LYRM4: variants seen among roughly 807,000 people sequenced by gnomAD.
LYRM4 encodes the protein LYR motif containing 4.
Under a neutral mutation model 11.7 loss-of-function variants are expected in LYRM4, and 9 were observed. The ratio of observed to expected loss-of-function variants is 0.77; its 90% confidence interval spans 0.46 to 1.34. LYRM4 has a LOEUF of 1.34. LYRM4 is among the 40% of genes most tolerant of loss of function. The pLI is 0.00. For missense variants in LYRM4, 133 were observed against 112.5 expected (o/e 1.18, Z -0.82); for synonymous variants, 42 against 40.4 (o/e 1.04, Z -0.15).
the LYRM4 span, among the ~76,000 whole-genome samples, chr6:5,096,991 G>A: frequency 6.6e-6 from 1 of 152,172 alleles, no homozygotes; most frequent in African/African-American, 2.4e-5. Context: ...TTTGCTTCTT[G>A]TCCACATGGT....
Position 5,148,881 on chromosome 6 carries a change from A to T in LYRM4, c.208-39390T>A, listed in dbSNP as rs183862557. ...AGCGCGCTTCCAAGTATAAAATTAAACGTGGTTCTGAATTTTTCCCCTAGA... is the reference window on the plus strand; with the variant it reads ...AGCGCGCTTCCAAGTATAAAATTAATCGTGGTTCTGAATTTTTCCCCTAGA... On this transcript the variant is annotated intron_variant, in intron 2 of 2. Coordinates refer to ENST00000330636, the MANE Select transcript of LYRM4 (RefSeq NM_020408.6). Among the ~76,000 whole-genome samples the T allele has an allele frequency of 8.5e-5, 13 of 152,286 alleles. No homozygotes were observed. In the East Asian group the frequency reaches 2.5e-3, roughly 29 times the overall value.
At chr6:5,190,984 G>A (rs565458835) in intron 2 of LYRM4, among the ~76,000 whole-genome samples, 1 of 152,138 alleles carries the variant, frequency 6.6e-6, no homozygotes, top group Non-Finnish European at 1.5e-5. Context: ...CTTGCCTCAT[G>A]TGCCTTAAGA....
the LYRM4 span, among the ~76,000 whole-genome samples, chr6:5,076,374 T>C: frequency 1.2e-4 from 19 of 152,332 alleles, no homozygotes; most frequent in African/African-American, 4.6e-4. Context: ...AGCCAGGCTG[T>C]AGAGTTAGAC....
the LYRM4 span, among the ~76,000 whole-genome samples, chr6:5,058,762 C>T: frequency 6.6e-6 from 1 of 152,298 alleles, no homozygotes; most frequent in Admixed American, 6.5e-5. Context: ...TGTCTCCCCA[C>T]TATTTTTATA....
chr6:5,245,151 TATATATATATATAA>T (rs1764132397), intron 1 of LYRM4, among the ~76,000 whole-genome samples: 1 of 84,856 alleles, frequency 1.2e-5, no homozygotes, highest in South Asian at 4.4e-4. Context: ...TATATATATA[TATATATATATATAA>T]AATAGGTGAA....
intron 2 of LYRM4, among the ~76,000 whole-genome samples, chr6:5,123,192 G>A (rs561389929): frequency 2.6e-5 from 4 of 152,288 alleles, no homozygotes; most frequent in East Asian, 3.9e-4. Flanking sequence ...CAGTGGGCCC[G>A]GTGCTCTGAG....
At chr6:5,066,735 G>C in the LYRM4 span, 1 of 780,864 alleles carries the variant, frequency 1.3e-6, no homozygotes, top group Middle Eastern at 2.4e-4. Flanking sequence ...TTGCGCCAGG[G>C]TCTCAGCCAA....
At chr6:5,101,350 T>A (rs1388872674), downstream of LYRM4, among the ~76,000 whole-genome samples, 1 of 152,238 alleles carries the variant, frequency 6.6e-6, no homozygotes, top group Non-Finnish European at 1.5e-5. Flanking sequence ...CCCTAAGGTA[T>A]CTGGCAGTTT....
rs1193582675 is a variant in LYRM4 at position 5,260,635 on chromosome 6, C to T, written c.86+13G>A. On this transcript the variant is annotated intron_variant, in intron 1 of 2. Coordinates refer to ENST00000330636, the MANE Select transcript of LYRM4 (RefSeq NM_020408.6). ...GGCCCCCCGCCCCCGGCCCCCGGTG[C>T]CCGCTGGGTCACCTGTAATTGTAGG... 7 of 1,408,934 alleles carry T rather than the reference C, an allele frequency of 5.0e-6. No individual in the cohort carries two copies. Among genetic ancestry groups the T allele is most frequent in the Non-Finnish European group, 6.7e-6 (7 of 1,040,474 alleles). The allele number at this position is 1,408,934 out of a possible 1,614,324, so 87.3% of individuals were successfully genotyped here. A position where few individuals can be genotyped will look rare whatever the true frequency, so the allele number is the denominator to read the frequency against.
chr6:5,185,107 C>T (rs1252575501), intron 2 of LYRM4, among the ~76,000 whole-genome samples: 3 of 152,226 alleles, frequency 2.0e-5, no homozygotes, highest in Non-Finnish European at 4.4e-5. Flanking sequence ...ACAATACGCT[C>T]CTACCTAGCT....
chr6:5,045,708 T>G, the LYRM4 span, among the ~76,000 whole-genome samples: 4 of 152,336 alleles, frequency 2.6e-5, no homozygotes, highest in Admixed American at 2.6e-4. Context: ...AAAATTCCCA[T>G]TTCCATTTTG....
At chr6:5,065,729 A>G in the LYRM4 span, 6 of 196,322 alleles carry the variant, frequency 3.1e-5, no homozygotes, top group East Asian at 8.3e-4. Context: ...TGAGCTTTCA[A>G]ATTTGGTTTT....
chr6:5,037,459 C>CT, the LYRM4 span, among the ~76,000 whole-genome samples: 2 of 47,068 alleles, frequency 4.2e-5, no homozygotes, highest in South Asian at 1.9e-3. Context: ...TTTCCCCACC[C>CT]TTCCCGCCTT....
intron 2 of LYRM4, among the ~76,000 whole-genome samples, chr6:5,130,076 G>C (rs146301249): frequency 2.0e-5 from 3 of 152,354 alleles, no homozygotes; most frequent in Admixed American, 1.3e-4. Flanking sequence ...TTTTCATTAA[G>C]AGGTACTAGA....
chr6:5,259,031 C>T (rs977283985), intron 1 of LYRM4, among the ~76,000 whole-genome samples: 2 of 152,222 alleles, frequency 1.3e-5, no homozygotes, highest in African/African-American at 2.4e-5. Context: ...TCTAGTCCAA[C>T]AGTCTATTTC....
chr6:5,158,806 C>G (rs1422802833), intron 2 of LYRM4, among the ~76,000 whole-genome samples: 4 of 152,208 alleles, frequency 2.6e-5, no homozygotes, highest in African/African-American at 9.6e-5. Context: ...GTCTGTCAAG[C>G]AGAAATCTAG....
chr6:5,230,531 T>G (rs1763176697), intron 1 of LYRM4, among the ~76,000 whole-genome samples: 1 of 152,222 alleles, frequency 6.6e-6, no homozygotes, highest in South Asian at 2.1e-4. Context: ...CACAGTTTTC[T>G]AAATTTTATT....
downstream of LYRM4, chr6:5,105,785 G>C (rs1207127617): frequency 6.5e-6 from 1 of 153,324 alleles, no homozygotes; most frequent in Non-Finnish European, 1.5e-5. Context: ...CTGCACTCCA[G>C]CCTGGGCAAC....
chr6:5,217,285 C>T (rs970177281), intron 1 of LYRM4, among the ~76,000 whole-genome samples: 5 of 152,194 alleles, frequency 3.3e-5, no homozygotes, highest in Admixed American at 2.0e-4. Flanking sequence ...ACATTAGGAT[C>T]CCACCACAGT....
Sources: allele counts gnomAD v4.1 joint callset (sites outside exome capture counted in the v4.1 genomes callset), GRCh38; gene constraint gnomAD v4.1.1; transcripts MANE v1.5; gene names NCBI Gene and HGNC (gene_info 2026-07-23, HGNC 2026-07-21).